SNTG1: variants seen among roughly 807,000 people sequenced by gnomAD.
SNTG1 encodes the protein gamma-1-syntrophin.
In SNTG1, 39 loss-of-function variants were observed where a neutral mutation model predicts 74.7. That is an observed-to-expected ratio of 0.52 (90% CI 0.40 to 0.68). The LOEUF is 0.68. Ranked by LOEUF, SNTG1 falls within the 30% of genes least tolerant of loss-of-function variation. SNTG1 has a pLI of 0.00. For synonymous variants in SNTG1, 254 were observed against 217.1 expected (o/e 1.17, Z -1.49); for missense variants, 685 against 609.5 (o/e 1.12, Z -1.30).
At position 50,114,871 on chromosome 8, in the gene SNTG1, G is replaced by GA. The variant is rs577300334; in HGVS notation, c.-102-57682dup. ...AGAGTGAGACTCCATCTCTAAAAAA[G>GA]AAAAAAAATATATGAACAAGTTCTG... On this transcript the variant is annotated intron_variant, in intron 1 of 18. Transcript: ENST00000642720. Among the ~76,000 whole-genome samples the GA allele has an allele frequency of 3.3e-3, 497 of 151,504 alleles. 3 individuals carry two copies. The highest frequency in any genetic ancestry group is 0.01 in the African/African-American group (418 of 41,356).
intron 15 of SNTG1, among the ~76,000 whole-genome samples, chr8:50,696,808 T>A (rs2095406821): frequency 6.6e-6 from 1 of 152,172 alleles, no homozygotes; most frequent in African/African-American, 2.4e-5. Flanking sequence ...TCTATTTGTC[T>A]GTTTTTATGC....
chr8:50,553,275 T>C, intron 12 of SNTG1, 96 bp downstream of exon 12: 1 of 1,460,858 alleles, frequency 6.8e-7, no homozygotes, highest in Non-Finnish European at 9.3e-7. Flanking sequence ...TTTGGTGTTC[T>C]TCTCAGAATG....
At chr8:50,032,133 T>G (rs986703987) in intron 1 of SNTG1, among the ~76,000 whole-genome samples, 1 of 152,080 alleles carries the variant, frequency 6.6e-6, no homozygotes, top group Non-Finnish European at 1.5e-5. Flanking sequence ...TGTAGTGATG[T>G]TCCTTCCTTC....
rs1231337369 is a variant in SNTG1, at chr8:50,102,540, CT to C, written c.-102-70020del. On this transcript the variant is annotated intron_variant, in intron 1 of 18. Coordinates refer to ENST00000642720, the MANE Select transcript of SNTG1 (RefSeq NM_018967.5). Reference sequence around the variant, plus strand: ...TTCACTCTGATGGTAGTTTCTTTTGCTGTGCAGAAGCTCTTTAGTTTAATTA... The same window carrying C: ...TTCACTCTGATGGTAGTTTCTTTTGCGTGCAGAAGCTCTTTAGTTTAATTA... Among the ~76,000 whole-genome samples the C allele has an allele frequency of 8.3e-5, 12 of 144,676 alleles. No homozygotes were observed. In the East Asian group the frequency reaches 2.5e-3, roughly 30 times the overall value. The allele number at this position is 144,676 out of a possible 152,430, so 94.9% of individuals were successfully genotyped here.
At chr8:50,186,475 T>C (rs1175019021) in intron 2 of SNTG1, among the ~76,000 whole-genome samples, 1 of 152,146 alleles carries the variant, frequency 6.6e-6, no homozygotes, top group Non-Finnish European at 1.5e-5. Flanking sequence ...TTTGAACTAA[T>C]TTACATTCAC....
chr8:50,690,586 A>G (rs2095373482), intron 15 of SNTG1, among the ~76,000 whole-genome samples: 1 of 152,076 alleles, frequency 6.6e-6, no homozygotes, highest in Non-Finnish European at 1.5e-5. Context: ...CCTGAGTTCT[A>G]GTTTGATTGC....
chr8:50,739,732 A>C (rs2095538361), intron 17 of SNTG1, among the ~76,000 whole-genome samples: 1 of 152,048 alleles, frequency 6.6e-6, no homozygotes, highest in Non-Finnish European at 1.5e-5. Flanking sequence ...GATTTTAAAC[A>C]GGGCTATAGT....
chr8:50,025,334 G>C (rs966563249), intron 1 of SNTG1, among the ~76,000 whole-genome samples: 1 of 151,784 alleles, frequency 6.6e-6, no homozygotes, highest in Non-Finnish European at 1.5e-5. Context: ...CTAATTATTA[G>C]GTGTATTTTC....
At chr8:50,159,254 C>G (rs973477956) in intron 1 of SNTG1, among the ~76,000 whole-genome samples, 2 of 151,952 alleles carry the variant, frequency 1.3e-5, no homozygotes, top group Non-Finnish European at 2.9e-5. Context: ...GAGTTTGTTA[C>G]TAAACTCTTT....
chr8:50,570,314 A>G (rs773904991), intron 12 of SNTG1, among the ~76,000 whole-genome samples: 13 of 120,056 alleles, frequency 1.1e-4, no homozygotes, highest in Non-Finnish European at 2.2e-4. Context: ...GCTGGATTAC[A>G]GTGGTGCGAT....
In SNTG1 at chr8:49,970,873, C is replaced by A. The variant is rs545044100; in HGVS notation, c.-103+58642C>A. Among the ~76,000 whole-genome samples the A allele has an allele frequency of 7.2e-5, 11 of 152,278 alleles. No homozygotes were observed. In the South Asian group the frequency reaches 2.3e-3, roughly 32 times the overall value. ...TGGGACACCAGTGGTGCTATGAATG[C>A]ACACAGGACTCAACTCCCAGCTGGG... On this transcript the variant is annotated intron_variant, in intron 1 of 18. Coordinates refer to ENST00000642720, the MANE Select transcript of SNTG1 (RefSeq NM_018967.5).
chr8:50,576,441 T>C (rs2094577393), intron 12 of SNTG1, among the ~76,000 whole-genome samples: 1 of 152,176 alleles, frequency 6.6e-6, no homozygotes, highest in Non-Finnish European at 1.5e-5. Context: ...GTTTTGGCAA[T>C]TCGGGAGGGC....
At chr8:50,414,398 A>G (rs944165979) in intron 4 of SNTG1, among the ~76,000 whole-genome samples, 2 of 152,250 alleles carry the variant, frequency 1.3e-5, no homozygotes, top group Non-Finnish European at 2.9e-5. Flanking sequence ...TTTCTTTACT[A>G]TAATCCTTTG....
In SNTG1 at chr8:49,938,643, C is replaced by G. The variant is rs188005877; in HGVS notation, c.-103+26412C>G. Among the ~76,000 whole-genome samples the G allele has an allele frequency of 9.6e-4, 102 of 106,314 alleles. 2 individuals are homozygous for G. Among genetic ancestry groups the G allele is most frequent in the African/African-American group, 3.5e-3 (100 of 28,300 alleles). The allele number at this position is 106,314 out of a possible 152,430, so 69.7% of individuals were successfully genotyped here. On this transcript the variant is annotated intron_variant, in intron 1 of 18. Transcript: ENST00000642720. ...TCTTTCTTTCTTTCTTTCTTTCTTT[C>G]CTTCCTCTCTCTCTCTCTTCCTTCC...
intron 18 of SNTG1, among the ~76,000 whole-genome samples, chr8:50,760,384 G>C (rs747876299): frequency 1.3e-4 from 20 of 152,046 alleles, no homozygotes; most frequent in Non-Finnish European, 2.2e-4. Flanking sequence ...TGTTGAATAA[G>C]AGTGGTGAGA....
At chr8:50,294,834 G>A (rs2089288764) in intron 2 of SNTG1, among the ~76,000 whole-genome samples, 2 of 152,198 alleles carry the variant, frequency 1.3e-5, no homozygotes, top group African/African-American at 2.4e-5. Flanking sequence ...ATCAGTGCCA[G>A]CAGGAAAAAT....
chr8:50,452,665 G>T (rs190824815), intron 8 of SNTG1, among the ~76,000 whole-genome samples: 2 of 152,288 alleles, frequency 1.3e-5, no homozygotes, highest in East Asian at 3.9e-4. Context: ...ATTTGGGATT[G>T]TATTGCAAAT....
chr8:50,499,347 G>T (rs755181923), intron 8 of SNTG1, among the ~76,000 whole-genome samples: 6 of 150,730 alleles, frequency 4.0e-5, no homozygotes, highest in Non-Finnish European at 4.4e-5. Flanking sequence ...TGTTTATAAA[G>T]AAATGTGATT....
At chr8:50,309,488 C>G (rs10504102) in intron 2 of SNTG1, among the ~76,000 whole-genome samples, 10,559 of 152,100 alleles carry the variant, frequency 0.069, 411 homozygotes, top group African/African-American at 0.086. Flanking sequence ...AAATGAATTT[C>G]GTATCAGATG....
Sources: allele counts gnomAD v4.1 joint callset (sites outside exome capture counted in the v4.1 genomes callset), GRCh38; gene constraint gnomAD v4.1.1; transcripts MANE v1.5; gene names NCBI Gene and HGNC (gene_info 2026-07-23, HGNC 2026-07-21).